Variants in RBFOX1 observed in about 807,000 individuals in gnomAD.
RBFOX1 encodes the protein RNA binding protein fox-1 homolog 1.
In RBFOX1, 8 loss-of-function variants were observed where a neutral mutation model predicts 57.7. The ratio of observed to expected loss-of-function variants is 0.14; its 90% CI spans 0.08 to 0.25. The LOEUF is 0.25. RBFOX1 is among the 10% of genes least tolerant of loss of function. RBFOX1 has a pLI of 1.00. For missense variants in RBFOX1, 611 were observed against 548.5 expected, an observed-to-expected ratio of 1.11 and a Z score of -1.14; for synonymous variants, 326 against 222.4, an observed-to-expected ratio of 1.47 and a Z score of -4.15.
intron 2 of RBFOX1, among the ~76,000 whole-genome samples, chr16:6,413,017 C>A (rs1050056277): frequency 6.6e-6 from 1 of 152,158 alleles, no homozygotes; most frequent in Non-Finnish European, 1.5e-5. Flanking sequence ...CCAGGCTCAG[C>A]TATTTTTAAA....
At chr16:7,641,914 CT>C (rs2062875133) in intron 11 of RBFOX1, among the ~76,000 whole-genome samples, 1 of 150,852 alleles carries the variant, frequency 6.6e-6, no homozygotes, top group African/African-American at 2.5e-5. Context: ...AAATGCTACT[CT>C]TTCTTTTTCT....
chr16:7,610,623 T>A (rs1322352182), intron 10 of RBFOX1, among the ~76,000 whole-genome samples: 1 of 152,212 alleles, frequency 6.6e-6, no homozygotes, highest in African/African-American at 2.4e-5. Context: ...TTTTCAGCTG[T>A]ACGTTTGTAT....
At chr16:6,953,473 C>A (rs934977651) in intron 3 of RBFOX1, among the ~76,000 whole-genome samples, 2 of 152,022 alleles carry the variant, frequency 1.3e-5, no homozygotes, top group African/African-American at 4.8e-5. Flanking sequence ...GCAACCTCCA[C>A]CTCCTGGGTT....
intron 2 of RBFOX1, among the ~76,000 whole-genome samples, chr16:6,647,673 G>C (rs2098544903): frequency 6.6e-6 from 1 of 152,140 alleles, no homozygotes; most frequent in South Asian, 2.1e-4. Flanking sequence ...CATACATTCA[G>C]TCCATCATAC....
intron 1 of RBFOX1, among the ~76,000 whole-genome samples, chr16:6,066,596 C>T (rs570661907): frequency 1.2e-4 from 18 of 152,134 alleles, no homozygotes; most frequent in Admixed American, 8.5e-4. Flanking sequence ...ATAGAACTTA[C>T]GATTTTTGAC....
chr16:5,432,895 C>G (rs1333876289), intron 1 of RBFOX1, among the ~76,000 whole-genome samples: 2 of 152,134 alleles, frequency 1.3e-5, no homozygotes, highest in Non-Finnish European at 2.9e-5. Context: ...AGGTGATCCT[C>G]CCATCTCAGC....
At chr16:6,801,829 T>G in intron 3 of RBFOX1, among the ~76,000 whole-genome samples, 1 of 152,158 alleles carries the variant, frequency 6.6e-6, no homozygotes, top group East Asian at 1.9e-4. Context: ...CCTTCTAAGT[T>G]GTATGTCTAC....
intron 1 of RBFOX1, among the ~76,000 whole-genome samples, chr16:5,308,859 G>A (rs184438931): frequency 9.2e-5 from 14 of 151,978 alleles, no homozygotes; most frequent in Admixed American, 3.9e-4. Flanking sequence ...CAATTTGCAC[G>A]GCACCGCTGT....
rs146822613 is a variant in RBFOX1 at position 6,882,087 on chromosome 16, A to T, written c.-15-169970A>T. The stretch of plus-strand genomic sequence containing the variant: ...CTGCTTAATATTTCAGTGGCCCCCT[A>T]TTCCCTGCAGGTTAAGATGTAAATT... On this transcript the variant is annotated intron_variant, in intron 3 of 15. Transcript: ENST00000550418. Among the ~76,000 whole-genome samples the T allele has an allele frequency of 4.6e-3, 697 of 152,254 alleles. 6 individuals carry two copies. The highest frequency in any genetic ancestry group is 0.016 in the African/African-American group (659 of 41,552).
At chr16:7,265,565 C>A (rs998326714) in intron 4 of RBFOX1, among the ~76,000 whole-genome samples, 5 of 152,156 alleles carry the variant, frequency 3.3e-5, no homozygotes, top group Admixed American at 3.3e-4. Flanking sequence ...TCTCCTGCCT[C>A]AGCCTCCCGA....
At chr16:5,277,234 C>G (rs1461087889) in intron 1 of RBFOX1, among the ~76,000 whole-genome samples, 2 of 151,866 alleles carry the variant, frequency 1.3e-5, no homozygotes, top group African/African-American at 2.4e-5. Context: ...CATGTTCTCA[C>G]TCATAAGTGG....
chr16:7,469,273 A>C (rs1426611109), intron 4 of RBFOX1, among the ~76,000 whole-genome samples: 5 of 151,942 alleles, frequency 3.3e-5, no homozygotes, highest in Non-Finnish European at 7.4e-5. Flanking sequence ...CATGTCGGTC[A>C]GGCTGGTCTC....
At chr16:6,538,241 A>G (rs556969849) in intron 2 of RBFOX1, among the ~76,000 whole-genome samples, 3 of 152,302 alleles carry the variant, frequency 2.0e-5, no homozygotes, top group African/African-American at 7.2e-5. Flanking sequence ...CTGTAATCCC[A>G]GTACTTGGGA....
At chr16:6,515,546 A>C (rs55800239) in intron 2 of RBFOX1, among the ~76,000 whole-genome samples, 50,378 of 152,154 alleles carry the variant, frequency 0.33, 9,009 homozygotes, top group Non-Finnish European at 0.41. Flanking sequence ...GAGAGCAGAC[A>C]TTTATGAACC....
chr16:5,640,369 A>G (rs770705224), intron 3 of RBFOX1, among the ~76,000 whole-genome samples: 1 of 152,060 alleles, frequency 6.6e-6, no homozygotes, highest in Non-Finnish European at 1.5e-5. Flanking sequence ...ATGTATGCAC[A>G]TGTACATCAT....
intron 3 of RBFOX1, among the ~76,000 whole-genome samples, chr16:7,035,476 C>T (rs1311357380): frequency 3.9e-5 from 6 of 152,152 alleles, no homozygotes; most frequent in Admixed American, 3.9e-4. Flanking sequence ...TAAGACTTCC[C>T]CTGGGATTAT....
intron 3 of RBFOX1, among the ~76,000 whole-genome samples, chr16:6,817,383 G>C (rs1751825879): frequency 1.3e-5 from 2 of 152,022 alleles, no homozygotes; most frequent in Non-Finnish European, 2.9e-5. Context: ...TCTCATGGTA[G>C]AAATAATTCA....
chr16:7,313,501 C>G (rs2096368594), intron 4 of RBFOX1, among the ~76,000 whole-genome samples: 2 of 130,688 alleles, frequency 1.5e-5, no homozygotes, highest in South Asian at 2.4e-4. Context: ...CTCTTTGGTT[C>G]CGTTCAAAAA....
chr16:6,173,898 TG>T (rs1430835172), intron 1 of RBFOX1, among the ~76,000 whole-genome samples: 1 of 151,006 alleles, frequency 6.6e-6, no homozygotes, highest in African/African-American at 2.5e-5. Flanking sequence ...TTTGTTTGTT[TG>T]TTTTTTTTAC....
Sources: allele counts gnomAD v4.1 joint callset (sites outside exome capture counted in the v4.1 genomes callset), GRCh38; gene constraint gnomAD v4.1.1; transcripts MANE v1.5; gene names NCBI Gene and HGNC (gene_info 2026-07-23, HGNC 2026-07-21).